KCNK2: variants seen among roughly 807,000 people sequenced by gnomAD.
KCNK2 encodes potassium channel subfamily K member 2.
KCNK2 carries 21 observed loss-of-function variants against 40.5 expected under a neutral mutation model. The observed-to-expected ratio is 0.52, with a 90% CI of 0.37 to 0.75. The LOEUF is 0.75. Among genes scored for constraint, KCNK2 ranks in the 30% least tolerant of loss-of-function variants. KCNK2 has a pLI of 0.00. For synonymous variants in KCNK2, 191 were observed against 202.2 expected (o/e 0.94, Z 0.47); for missense variants, 399 against 531.6 (o/e 0.75, Z 2.45).
chr1:215,051,126 C>T (rs1657970570), intron 1 of KCNK2, among the ~76,000 whole-genome samples: 1 of 152,068 alleles, frequency 6.6e-6, no homozygotes, highest in African/African-American at 2.4e-5. Flanking sequence ...GGATAGTGGC[C>T]ATTCACAGGT....
At chr1:215,087,726 T>C (rs758088501) in intron 2 of KCNK2, among the ~76,000 whole-genome samples, 32 of 152,224 alleles carry the variant, frequency 2.1e-4, no homozygotes, top group Non-Finnish European at 3.7e-4. Flanking sequence ...TTACATTGTT[T>C]GAATGAGTTG....
chr1:215,011,070 G>T (rs2601647), intron 1 of KCNK2, among the ~76,000 whole-genome samples: 5 of 150,604 alleles, frequency 3.3e-5, no homozygotes, highest in Non-Finnish European at 5.9e-5. Context: ...TTTTTTGTGC[G>T]TATAGTTCTA....
chr1:215,016,386 T>C (rs1656586920), intron 1 of KCNK2, among the ~76,000 whole-genome samples: 1 of 152,140 alleles, frequency 6.6e-6, no homozygotes, highest in Admixed American at 6.6e-5. Context: ...TAAAACAGCA[T>C]GGTACTGGCA....
chr1:215,108,997 CTA>C (rs901945274), intron 2 of KCNK2, among the ~76,000 whole-genome samples: 38 of 151,202 alleles, frequency 2.5e-4, no homozygotes, highest in Non-Finnish European at 2.7e-4. Flanking sequence ...AGTGAATGAA[CTA>C]TATATATATG....
chr1:215,083,203 C>G lies in KCNK2; in HGVS notation c.-183C>G, dbSNP rs1275332561. 3.1e-5 allele frequency: 25 copies of G among 805,104 alleles called. No homozygotes were observed. The highest frequency in any genetic ancestry group is 1.4e-4 in the South Asian group (9 of 65,606). 49.9% of individuals were successfully genotyped at this position (805,104 alleles called of 1,614,324 possible). ...TCGTTTCTTCTCACGCTCCCCCCCC[C>G]GCCCCCTCCCGCGTCCAGCCCCGCT... is the stretch of plus-strand genomic sequence containing the variant. On this transcript the variant is annotated 5_prime_UTR_variant, in exon 1 of 7. Transcript: ENST00000444842.
intron 6 of KCNK2, among the ~76,000 whole-genome samples, chr1:215,211,987 T>C (rs1325484919): frequency 1.3e-5 from 2 of 152,166 alleles, no homozygotes; most frequent in African/African-American, 4.8e-5. Context: ...GAGTGATTAA[T>C]TTTATATTTG....
intron 1 of KCNK2, among the ~76,000 whole-genome samples, chr1:215,047,174 A>G (rs1274824468): frequency 1.3e-5 from 2 of 152,138 alleles, no homozygotes; most frequent in Non-Finnish European, 2.9e-5. Context: ...AAGATTTAAC[A>G]CAGAAAATGG....
intron 2 of KCNK2, among the ~76,000 whole-genome samples, chr1:215,106,570 G>A (rs1202783233): frequency 1.3e-5 from 2 of 151,714 alleles, no homozygotes; most frequent in Non-Finnish European, 2.9e-5. Context: ...TCTTTTCCTG[G>A]GCAGAAGCTC....
intron 1 of KCNK2, among the ~76,000 whole-genome samples, chr1:215,030,499 G>A (rs1484071375): frequency 1.3e-5 from 2 of 151,456 alleles, no homozygotes; most frequent in African/African-American, 2.4e-5. Context: ...AGCCTGCTCA[G>A]TGTTTTAATG....
At chr1:215,186,340 G>A (rs1157066897) in intron 5 of KCNK2, among the ~76,000 whole-genome samples, 1 of 151,974 alleles carries the variant, frequency 6.6e-6, no homozygotes, top group Non-Finnish European at 1.5e-5. Flanking sequence ...GCTGCGGTGG[G>A]CTATGAAGGT....
chr1:215,005,728 G>A (rs1656104106), upstream of KCNK2: 5 of 560,366 alleles, frequency 8.9e-6, no homozygotes, highest in East Asian at 2.9e-5. Flanking sequence ...ATACAGCAGC[G>A]TTTGTTCGTT....
intron 5 of KCNK2, among the ~76,000 whole-genome samples, chr1:215,191,454 T>G (rs967112857): frequency 2.0e-5 from 3 of 152,102 alleles, no homozygotes; most frequent in African/African-American, 7.2e-5. Flanking sequence ...GATAATGGTT[T>G]CCTAGCAATA....
At chr1:215,196,142 G>A (rs1394474846) in intron 6 of KCNK2, among the ~76,000 whole-genome samples, 1 of 151,082 alleles carries the variant, frequency 6.6e-6, no homozygotes, top group Non-Finnish European at 1.5e-5. Flanking sequence ...GGAGTGCAGT[G>A]ACATGATCTA....
chr1:215,130,425 C>T (rs1244035190), intron 3 of KCNK2, among the ~76,000 whole-genome samples: 1 of 152,154 alleles, frequency 6.6e-6, no homozygotes, highest in East Asian at 1.9e-4. Flanking sequence ...AAGGAAAATG[C>T]TTTCCAGAGT....
intron 5 of KCNK2, among the ~76,000 whole-genome samples, chr1:215,183,687 C>T (rs756150863): frequency 9.2e-5 from 14 of 152,220 alleles, no homozygotes; most frequent in South Asian, 2.1e-4. Context: ...AAACCATTCT[C>T]TTAAAAAATT....
intron 6 of KCNK2, among the ~76,000 whole-genome samples, chr1:215,216,008 G>A (rs1665943231): frequency 6.6e-6 from 1 of 152,202 alleles, no homozygotes; most frequent in Admixed American, 6.5e-5. Flanking sequence ...ATGCTTGTAA[G>A]ACAGGGCATG....
rs186385356 is a variant in KCNK2, at chr1:215,181,627, G to A, written c.823+9444G>A. ...TGTGACTGTAGAGAATACTGGGCAGGGTATTTTGACTTTGCTGCTATAGCC... is the reference window on the plus strand; with the variant it reads ...TGTGACTGTAGAGAATACTGGGCAGAGTATTTTGACTTTGCTGCTATAGCC... On this transcript the variant is annotated intron_variant, in intron 5 of 6. Coordinates refer to ENST00000444842, the MANE Select transcript of KCNK2 (RefSeq NM_001017425.3). Among the ~76,000 whole-genome samples the A allele has an allele frequency of 1.3e-3, 200 of 152,136 alleles. 2 individuals carry two copies. The highest frequency in any genetic ancestry group is 4.6e-3 in the African/African-American group (192 of 41,504).
intron 1 of KCNK2, among the ~76,000 whole-genome samples, chr1:215,076,559 A>G (rs935161263): frequency 8.5e-5 from 13 of 152,174 alleles, no homozygotes; most frequent in African/African-American, 3.1e-4. Flanking sequence ...TTGATTTATG[A>G]TGGTGAAACT....
intron 2 of KCNK2, among the ~76,000 whole-genome samples, chr1:215,101,715 G>A (rs1224428697): frequency 6.6e-6 from 1 of 151,934 alleles, no homozygotes; most frequent in African/African-American, 2.4e-5. Flanking sequence ...CATATATGAC[G>A]GTGGTCCAAT....
Sources: allele counts gnomAD v4.1 joint callset (sites outside exome capture counted in the v4.1 genomes callset), GRCh38; gene constraint gnomAD v4.1.1; transcripts MANE v1.5; gene names NCBI Gene and HGNC (gene_info 2026-07-23, HGNC 2026-07-21).